The following NEMP2 variants were observed in gnomAD, a reference collection of about 807,000 sequenced individuals.
NEMP2 encodes the protein UPF0571 transmembrane protein.
NEMP2 carries 53 observed loss-of-function variants against 54.2 expected under a neutral mutation model. The observed-to-expected ratio is 0.98, with a 90% CI of 0.78 to 1.23. The LOEUF (loss-of-function observed/expected upper bound fraction) is 1.23. Among genes scored for constraint, NEMP2 ranks in the 50% most tolerant of loss-of-function variants. The pLI is 0.00. For synonymous variants in NEMP2, 197 were observed against 190.3 expected (o/e 1.04, Z -0.29); for missense variants, 455 against 511.3 (o/e 0.89, Z 1.06).
rs563993072 is a variant in NEMP2 at position 190,509,249 on chromosome 2, C to T, written c.1194G>A (p.Glu398=). 120 of 1,551,736 alleles carry T rather than the reference C, an allele frequency of 7.7e-5. No individual in the cohort carries two copies. In the East Asian group the frequency reaches 2.3e-3, roughly 29 times the overall value. ...AGAAGGCACCCCCAAGGCCATACTG[C>T]TCTTCATGCAGACTGATTTCTTCAG... ...LSPEEISLHE[E]QYGLGGAFLE... The change falls in exon 9 of 9, where the codon GAG becomes GAA. Residue 398 remains glutamate, a synonymous_variant. Transcript: ENST00000409150. The surrounding 1 kb of genome is among the most constrained non-coding windows in gnomAD (Gnocchi z 6.1).
chr2:190,633,606 G>A, the NEMP2 span, among the ~76,000 whole-genome samples: 3 of 152,162 alleles, frequency 2.0e-5, no homozygotes, highest in East Asian at 3.9e-4. Flanking sequence ...GAGCCACTGC[G>A]CCCAGCCCAT....
chr2:190,436,597 A>T, the NEMP2 span: 3,452 of 1,614,082 alleles, frequency 2.1e-3, 58 homozygotes, highest in African/African-American at 0.035. The surrounding 1 kb of genome is among the most constrained non-coding windows in gnomAD (Gnocchi z 5.3). Context: ...CTCTTTCCTC[A>T]CCATATCACC....
At chr2:190,500,389 A>G, downstream of NEMP2, 1 of 698,784 alleles carries the variant, frequency 1.4e-6, no homozygotes, top group Non-Finnish European at 2.3e-6. The surrounding 1 kb of genome is among the most constrained non-coding windows in gnomAD (Gnocchi z 5.3). Flanking sequence ...TACAGTACAT[A>G]TTGGCAGGAA....
chr2:190,612,352 C>T, the NEMP2 span, among the ~76,000 whole-genome samples: 8 of 152,144 alleles, frequency 5.3e-5, no homozygotes, highest in South Asian at 1.7e-3. Flanking sequence ...GATGGGGTTT[C>T]ACCATATTGG....
the NEMP2 span, among the ~76,000 whole-genome samples, chr2:190,496,656 ATATGTGTGTG>A: frequency 1.3e-5 from 2 of 149,610 alleles, no homozygotes; most frequent in Admixed American, 6.6e-5. The surrounding 1 kb of genome is among the most constrained non-coding windows in gnomAD (Gnocchi z 4.7). Flanking sequence ...GTATATGTGT[ATATGTGTGTG>A]TATGTGTGTG....
the NEMP2 span, among the ~76,000 whole-genome samples, chr2:190,634,884 T>C: frequency 1.3e-5 from 2 of 152,222 alleles, no homozygotes; most frequent in African/African-American, 4.8e-5. This position sits in a 1 kb window ranked among gnomAD's most constrained non-coding sequence, Gnocchi z 6.8. Flanking sequence ...AACACTTGGT[T>C]AGGAAGGCTG....
At chr2:190,487,636 A>G in the NEMP2 span, among the ~76,000 whole-genome samples, 1 of 152,230 alleles carries the variant, frequency 6.6e-6, no homozygotes, top group East Asian at 1.9e-4. This position sits in a 1 kb window ranked among gnomAD's most constrained non-coding sequence, Gnocchi z 5.5. Context: ...ATGGCCAATA[A>G]ACACCTAAAA....
chr2:190,565,643 C>T, the NEMP2 span, among the ~76,000 whole-genome samples: 2 of 152,098 alleles, frequency 1.3e-5, no homozygotes, highest in East Asian at 3.9e-4. Context: ...CAGAGTTGTC[C>T]CACACCAGGC....
Position 190,519,631 on chromosome 2 carries a change from C to T in NEMP2, c.214-448G>A, listed in dbSNP as rs549099305. ...AGGGTAGAGTTCTATGTTCTGATCC[C>T]AGAGGTGGACTCAAGAGATCTGTAT... On this transcript the variant is annotated intron_variant, in intron 2 of 8. Transcript: ENST00000409150. The surrounding 1 kb of genome is among the most constrained non-coding windows in gnomAD (Gnocchi z 5.4). Among the ~76,000 whole-genome samples the T allele has an allele frequency of 6.6e-6, 1 of 152,270 alleles. No individual in the cohort carries two copies. Among genetic ancestry groups the T allele is most frequent in the East Asian group, 1.9e-4 (1 of 5,190 alleles).
the NEMP2 span, among the ~76,000 whole-genome samples, chr2:190,635,578 T>C: frequency 1.3e-5 from 2 of 152,230 alleles, no homozygotes; most frequent in African/African-American, 2.4e-5. This position sits in a 1 kb window ranked among gnomAD's most constrained non-coding sequence, Gnocchi z 4.1. Context: ...CCATGGGAGA[T>C]ATGCATATCT....
rs574801812 is a variant in NEMP2 at position 190,533,343 on chromosome 2, T to C, written c.97+1216A>G. On this transcript the variant is annotated intron_variant, in intron 1 of 8. Transcript: ENST00000409150. This position sits in a 1 kb window ranked among gnomAD's most constrained non-coding sequence, Gnocchi z 4.3. ...TTTTTTCACCAGCATAAAATTGTTGTATTTCTTACTACCAAACCTTCGTTT... is the reference window on the plus strand; with the variant it reads ...TTTTTTCACCAGCATAAAATTGTTGCATTTCTTACTACCAAACCTTCGTTT... 3.9e-5 allele frequency among the ~76,000 whole-genome samples: 6 copies of C among 152,348 alleles called. No individual in the cohort carries two copies. The highest frequency in any genetic ancestry group is 1.4e-4 in the African/African-American group (6 of 41,570).
At chr2:190,471,774 GAACA>G in the NEMP2 span, among the ~76,000 whole-genome samples, 4 of 152,186 alleles carry the variant, frequency 2.6e-5, no homozygotes, top group Non-Finnish European at 2.9e-5. This position sits in a 1 kb window ranked among gnomAD's most constrained non-coding sequence, Gnocchi z 4.7. Context: ...TGAGATCTGA[GAACA>G]GACAGACTGC....
chr2:190,543,722 A>G, the NEMP2 span, among the ~76,000 whole-genome samples: 7 of 152,336 alleles, frequency 4.6e-5, no homozygotes, highest in Non-Finnish European at 8.8e-5. This position sits in a 1 kb window ranked among gnomAD's most constrained non-coding sequence, Gnocchi z 4.7. Context: ...GTAGAAAAAA[A>G]GTGAAGCCAG....
At chr2:190,425,241 A>G in the NEMP2 span, among the ~76,000 whole-genome samples, 1 of 152,158 alleles carries the variant, frequency 6.6e-6, no homozygotes, top group Non-Finnish European at 1.5e-5. The surrounding 1 kb of genome is among the most constrained non-coding windows in gnomAD (Gnocchi z 4.3). Context: ...AAGTTTATTT[A>G]TAGGTTTCTT....
chr2:190,538,190 T>C (rs971303710), upstream of NEMP2, among the ~76,000 whole-genome samples: 4 of 152,148 alleles, frequency 2.6e-5, no homozygotes, highest in Non-Finnish European at 4.4e-5. This position sits in a 1 kb window ranked among gnomAD's most constrained non-coding sequence, Gnocchi z 4.1. Flanking sequence ...ATCCAGTTTT[T>C]TTTTAGCTCC....
the NEMP2 span, among the ~76,000 whole-genome samples, chr2:190,570,195 C>T: frequency 1.3e-5 from 2 of 152,182 alleles, no homozygotes; most frequent in Non-Finnish European, 2.9e-5. The surrounding 1 kb of genome is among the most constrained non-coding windows in gnomAD (Gnocchi z 5.4). Flanking sequence ...GACTGATAGT[C>T]TGATAGTCAT....
chr2:190,535,343 T>A (rs1052240681), upstream of NEMP2, among the ~76,000 whole-genome samples: 12 of 152,202 alleles, frequency 7.9e-5, no homozygotes, highest in Non-Finnish European at 1.5e-4. Flanking sequence ...CGTAAAATGT[T>A]CCTTCACCAA....
At chr2:190,645,821 A>G in the NEMP2 span, among the ~76,000 whole-genome samples, 1 of 152,256 alleles carries the variant, frequency 6.6e-6, no homozygotes, top group Non-Finnish European at 1.5e-5. Context: ...ATTCCTTAGT[A>G]GTTTTTATAT....
chr2:190,610,408 A>G, the NEMP2 span: 1 of 152,188 alleles, frequency 6.6e-6, no homozygotes, highest in Non-Finnish European at 1.5e-5. This position sits in a 1 kb window ranked among gnomAD's most constrained non-coding sequence, Gnocchi z 5.4. Flanking sequence ...TGAGGTTCCA[A>G]GATAACTTGG....
Sources: allele counts gnomAD v4.1 joint callset (sites outside exome capture counted in the v4.1 genomes callset), GRCh38; gene constraint gnomAD v4.1.1; non-coding constraint Gnocchi (gnomAD v3.1); transcripts MANE v1.5; gene names NCBI Gene and HGNC (gene_info 2026-07-23, HGNC 2026-07-21).